The following PDE7B variants were observed in gnomAD, a reference collection of about 807,000 sequenced individuals.
The protein encoded by PDE7B is 3',5'-cyclic-AMP phosphodiesterase 7B.
In PDE7B, 29 loss-of-function variants were observed where a neutral mutation model predicts 56.2. That is an observed-to-expected ratio of 0.52 (90% CI 0.38 to 0.70). The LOEUF is 0.70. Among genes scored for constraint, PDE7B ranks in the 30% least tolerant of loss-of-function variants. PDE7B has a pLI of 0.00. For synonymous variants in PDE7B, 197 were observed against 196.9 expected (o/e 1.00, Z 0.00); for missense variants, 490 against 565.0 (o/e 0.87, Z 1.35).
chr6:136,149,295 C>CGG, intron 5 of PDE7B, 145 bp downstream of exon 5: 1 of 634,460 alleles, frequency 1.6e-6, no homozygotes, highest in East Asian at 2.8e-5. Flanking sequence ...GAAGAAGGAC[C>CGG]GGGGTAAGGG....
intron 2 of PDE7B, among the ~76,000 whole-genome samples, chr6:135,970,596 G>A (rs991273372): frequency 3.9e-5 from 6 of 152,084 alleles, no homozygotes; most frequent in East Asian, 1.9e-4. Flanking sequence ...GCCAGTCCCC[G>A]GTATACATTG....
chr6:136,166,968 T>A (rs1336847768), intron 8 of PDE7B, among the ~76,000 whole-genome samples: 2 of 152,200 alleles, frequency 1.3e-5, no homozygotes, highest in East Asian at 3.9e-4. Context: ...CCTCACTGAC[T>A]TCATGTCTTC....
At chr6:136,075,373 C>G (rs1777112749) in intron 2 of PDE7B, among the ~76,000 whole-genome samples, 3 of 152,170 alleles carry the variant, frequency 2.0e-5, no homozygotes, top group African/African-American at 7.2e-5. Flanking sequence ...GGAAAACATG[C>G]TGAACTGTAT....
rs1779239350 is a variant in PDE7B, at chr6:136,192,084, C to T, written c.*244C>T. On this transcript the variant is annotated 3_prime_UTR_variant, in exon 13 of 13. Transcript: ENST00000308191. ...CATTCAGTAACGTGGGAGCTGATCC[C>T]ACGGGCAGGCTCTCCCTGCTCCAGG... The T allele has an allele frequency of 5.7e-6, 3 of 524,798 alleles. No individual in the cohort carries two copies. Among genetic ancestry groups the T allele is most frequent in the African/African-American group, 3.8e-5 (2 of 52,294 alleles). The allele number at this position is 524,798 out of a possible 1,614,324, so 32.5% of individuals were successfully genotyped here. A position where few individuals can be genotyped will look rare whatever the true frequency, so the allele number is the denominator to read the frequency against.
intron 2 of PDE7B, among the ~76,000 whole-genome samples, chr6:135,997,634 AT>A (rs1315609184): frequency 1.3e-5 from 2 of 152,084 alleles, no homozygotes; most frequent in African/African-American, 4.8e-5. Flanking sequence ...CTACATGCCT[AT>A]GAATAGAAAA....
At chr6:136,087,761 G>A (rs1290409476) in intron 2 of PDE7B, among the ~76,000 whole-genome samples, 1 of 152,152 alleles carries the variant, frequency 6.6e-6, no homozygotes, top group African/African-American at 2.4e-5. Flanking sequence ...AGAAATATAT[G>A]TATATACATA....
intron 2 of PDE7B, among the ~76,000 whole-genome samples, chr6:136,029,302 A>C (rs1376278771): frequency 6.6e-6 from 1 of 152,230 alleles, no homozygotes; most frequent in Non-Finnish European, 1.5e-5. Context: ...GCAGGAAAAA[A>C]AAAGTAATAA....
chr6:136,049,288 G>T (rs1050665871), intron 2 of PDE7B: 1 of 152,254 alleles, frequency 6.6e-6, no homozygotes, highest in Non-Finnish European at 1.5e-5. Flanking sequence ...TTTTTGTAGA[G>T]ACATGGTCTT....
At chr6:135,908,879 C>T (rs914406019) in intron 1 of PDE7B, among the ~76,000 whole-genome samples, 1 of 152,182 alleles carries the variant, frequency 6.6e-6, no homozygotes, top group East Asian at 1.9e-4. Context: ...GTAGAAAAGT[C>T]TGTTATAGTA....
chr6:135,877,387 T>A (rs1449404464), intron 1 of PDE7B, among the ~76,000 whole-genome samples: 1 of 146,952 alleles, frequency 6.8e-6, no homozygotes, highest in Non-Finnish European at 1.5e-5. Flanking sequence ...ACCTTAGATA[T>A]CCTGTACCAT....
At chr6:136,152,901 T>G (rs992815065) in intron 6 of PDE7B, among the ~76,000 whole-genome samples, 1 of 152,192 alleles carries the variant, frequency 6.6e-6, no homozygotes, top group East Asian at 1.9e-4. Context: ...TTACTCCACT[T>G]TGAGCTCAGA....
chr6:136,099,330 A>G (rs1326510128), intron 2 of PDE7B, among the ~76,000 whole-genome samples: 1 of 152,192 alleles, frequency 6.6e-6, no homozygotes. Flanking sequence ...TTCTAGTTCT[A>G]GATCCTTGAG....
intron 12 of PDE7B, among the ~76,000 whole-genome samples, chr6:136,189,730 C>T (rs1316989224): frequency 6.6e-6 from 1 of 152,086 alleles, no homozygotes; most frequent in African/African-American, 2.4e-5. Flanking sequence ...CCGCAACCCC[C>T]CGTCACCCCA....
intron 8 of PDE7B, among the ~76,000 whole-genome samples, chr6:136,168,421 G>C (rs1260418934): frequency 6.6e-6 from 1 of 152,060 alleles, no homozygotes; most frequent in East Asian, 1.9e-4. Flanking sequence ...CAAGCTCCTT[G>C]AGAGCAGAGA....
At chr6:136,073,406 C>A (rs982022595) in intron 2 of PDE7B, among the ~76,000 whole-genome samples, 3 of 152,174 alleles carry the variant, frequency 2.0e-5, no homozygotes, top group African/African-American at 7.2e-5. Flanking sequence ...TAACACAGCA[C>A]CATAAACTCA....
chr6:136,167,935 G>C (rs570944159), intron 8 of PDE7B, among the ~76,000 whole-genome samples: 1 of 152,232 alleles, frequency 6.6e-6, no homozygotes, highest in African/African-American at 2.4e-5. Context: ...CAGGACTTCC[G>C]GAATGCCAGA....
At chr6:135,928,487 T>TATATATATTTA (rs1562442915) in intron 1 of PDE7B, among the ~76,000 whole-genome samples, 1 of 85,538 alleles carries the variant, frequency 1.2e-5, no homozygotes, top group Non-Finnish European at 2.5e-5. Context: ...ATATATTTAT[T>TATATATATTTA]TATATATATA....
At chr6:136,122,691 A>G (rs1200030828) in intron 3 of PDE7B, among the ~76,000 whole-genome samples, 1 of 152,216 alleles carries the variant, frequency 6.6e-6, no homozygotes, top group African/African-American at 2.4e-5. Flanking sequence ...TAAGCACTTT[A>G]TATGTATAAC....
intron 2 of PDE7B, among the ~76,000 whole-genome samples, chr6:135,964,859 T>TGCAGTGGC (rs1319659933): frequency 6.6e-6 from 1 of 152,108 alleles, no homozygotes; most frequent in East Asian, 1.9e-4. Context: ...GCAGGCTGGG[T>TGCAGTGGC]GCAGTGGCAC....
Sources: allele counts gnomAD v4.1 joint callset (sites outside exome capture counted in the v4.1 genomes callset), GRCh38; gene constraint gnomAD v4.1.1; transcripts MANE v1.5; gene names NCBI Gene and HGNC (gene_info 2026-07-23, HGNC 2026-07-21).